FHIT: variants seen among roughly 807,000 people sequenced by gnomAD.
FHIT encodes bis(5'-adenosyl)-triphosphatase.
A neutral mutation model predicts 17.9 loss-of-function variants in FHIT; 19 were observed. The observed-to-expected ratio is 1.06, with a 90% confidence interval of 0.74 to 1.56. FHIT has a LOEUF of 1.56. Ranked by LOEUF, FHIT falls within the 40% of genes most tolerant of loss-of-function variation. The pLI, the probability that FHIT is intolerant of heterozygous loss-of-function variation, is 0.00. For synonymous variants in FHIT, 81 were observed against 69.7 expected (o/e 1.16, Z -0.81); for missense variants, 248 against 189.2 (o/e 1.31, Z -1.82).
chr3:60,262,517 G>C (rs55722844), intron 5 of FHIT, among the ~76,000 whole-genome samples: 1 of 152,044 alleles, frequency 6.6e-6, no homozygotes, highest in South Asian at 2.1e-4. Flanking sequence ...AAATGACTTA[G>C]ATATGACTAT....
intron 8 of FHIT, among the ~76,000 whole-genome samples, chr3:59,886,602 C>T (rs990341189): frequency 6.6e-6 from 1 of 152,026 alleles, no homozygotes; most frequent in African/African-American, 2.4e-5. Flanking sequence ...GGAAGAGGCA[C>T]CACACTCTTT....
chr3:60,058,853 A>G (rs1036524409), intron 5 of FHIT, among the ~76,000 whole-genome samples: 1 of 152,236 alleles, frequency 6.6e-6, no homozygotes, highest in Non-Finnish European at 1.5e-5. Context: ...AAATACAACA[A>G]AATATTAATT....
At chr3:61,083,717 G>A (rs189938449) in intron 2 of FHIT, among the ~76,000 whole-genome samples, 4 of 151,828 alleles carry the variant, frequency 2.6e-5, no homozygotes, top group Admixed American at 2.0e-4. Context: ...GCCTTTTCTG[G>A]GTATTTCTTA....
intron 4 of FHIT, among the ~76,000 whole-genome samples, chr3:60,643,562 C>T (rs1438756471): frequency 2.6e-5 from 4 of 152,124 alleles, no homozygotes; most frequent in African/African-American, 9.7e-5. Flanking sequence ...TTCACAGATG[C>T]AAAAGTGTTT....
intron 5 of FHIT, among the ~76,000 whole-genome samples, chr3:60,433,794 T>C (rs137903661): frequency 3.8e-3 from 580 of 152,262 alleles, no homozygotes; most frequent in Non-Finnish European, 5.0e-3. Context: ...TATTGAGTTA[T>C]AGGAATTCCT....
chr3:59,899,541 C>A (rs1187047657), intron 8 of FHIT, among the ~76,000 whole-genome samples: 1 of 152,226 alleles, frequency 6.6e-6, no homozygotes, highest in African/African-American at 2.4e-5. Context: ...GTTTAAGAAT[C>A]AGCTATTGTA....
intron 1 of FHIT, among the ~76,000 whole-genome samples, chr3:61,204,555 A>G (rs2039144258): frequency 6.6e-6 from 1 of 152,222 alleles, no homozygotes; most frequent in Non-Finnish European, 1.5e-5. Flanking sequence ...GCTGAATAGA[A>G]TATAAAAAAG....
intron 5 of FHIT, among the ~76,000 whole-genome samples, chr3:60,375,141 C>A (rs1369296121): frequency 6.6e-6 from 1 of 151,230 alleles, no homozygotes; most frequent in African/African-American, 2.4e-5. Context: ...AAAAAAAACA[C>A]TTTCACGGTA....
intron 4 of FHIT, among the ~76,000 whole-genome samples, chr3:60,704,529 G>C (rs552309336): frequency 6.8e-4 from 104 of 152,162 alleles, no homozygotes; most frequent in Non-Finnish European, 1.2e-3. Context: ...CATTAGTGCT[G>C]CATCAGCACT....
At chr3:60,172,991 CT>C (rs1239607223) in intron 5 of FHIT, among the ~76,000 whole-genome samples, 2 of 152,198 alleles carry the variant, frequency 1.3e-5, no homozygotes, top group African/African-American at 2.4e-5. Flanking sequence ...CACATTCCCC[CT>C]ATCTCCATTC....
chr3:60,533,902 G>A (rs2035880239), intron 5 of FHIT, among the ~76,000 whole-genome samples: 1 of 152,106 alleles, frequency 6.6e-6, no homozygotes, highest in African/African-American at 2.4e-5. Flanking sequence ...AAAGTTATAG[G>A]CTACATTGGA....
chr3:60,315,110 G>T (rs1275745663), intron 5 of FHIT, among the ~76,000 whole-genome samples: 2 of 152,202 alleles, frequency 1.3e-5, no homozygotes, highest in Admixed American at 6.5e-5. Context: ...GAAAGGGAAA[G>T]ATGCCCACCC....
intron 8 of FHIT, among the ~76,000 whole-genome samples, chr3:59,772,702 G>A (rs766180088): frequency 2.0e-5 from 3 of 152,194 alleles, no homozygotes; most frequent in Non-Finnish European, 4.4e-5. Flanking sequence ...AACCCTGTGA[G>A]CCTTCTATGA....
chr3:61,202,031 TATATATATACCTAC>T (rs2039032171), intron 1 of FHIT, among the ~76,000 whole-genome samples: 1 of 151,796 alleles, frequency 6.6e-6, no homozygotes. Context: ...TACACATGTG[TATATATATACCTAC>T]ATATATATAC....
chr3:60,257,509 A>G (rs1039595282), intron 5 of FHIT, among the ~76,000 whole-genome samples: 1 of 152,148 alleles, frequency 6.6e-6, no homozygotes, highest in Non-Finnish European at 1.5e-5. Flanking sequence ...GTGGCTTTTC[A>G]TAGAGTGTTC....
intron 4 of FHIT, among the ~76,000 whole-genome samples, chr3:60,597,506 C>G (rs1251250970): frequency 6.6e-6 from 1 of 152,092 alleles, no homozygotes; most frequent in Admixed American, 6.6e-5. Context: ...CCATACCATT[C>G]TCCAAAAGAC....
chr3:59,799,202 A>T (rs1391524061), intron 8 of FHIT, among the ~76,000 whole-genome samples: 1 of 152,248 alleles, frequency 6.6e-6, no homozygotes, highest in African/African-American at 2.4e-5. Context: ...TACATATGTG[A>T]TATTTGCAAC....
intron 8 of FHIT, among the ~76,000 whole-genome samples, chr3:59,773,196 G>A (rs1327071652): frequency 1.3e-5 from 2 of 152,180 alleles, no homozygotes; most frequent in African/African-American, 4.8e-5. Flanking sequence ...CTGACAAGCA[G>A]GCTTCGAGCA....
At chr3:60,148,395 T>G (rs976743654) in intron 5 of FHIT, among the ~76,000 whole-genome samples, 2 of 152,224 alleles carry the variant, frequency 1.3e-5, no homozygotes, top group Non-Finnish European at 1.5e-5. Context: ...CCTAGTGAAA[T>G]GTAAGTGTGG....
Sources: gnomAD v4.1 joint callset for allele counts (sites outside exome capture counted in the v4.1 genomes callset) on GRCh38, gnomAD v4.1.1 for gene constraint, MANE v1.5 for transcripts, NCBI Gene and HGNC (gene_info 2026-07-23, HGNC 2026-07-21) for gene names.